The following LRRC4C variants were observed in gnomAD, a reference collection of about 807,000 sequenced individuals.
LRRC4C encodes leucine-rich repeat-containing protein 4C.
In LRRC4C, 5 loss-of-function variants were observed where a neutral mutation model predicts 33.6. The observed-to-expected ratio is 0.15, with a 90% CI of 0.08 to 0.31. The LOEUF is 0.31. LRRC4C is among the 10% of genes least tolerant of loss of function. The pLI is 1.00. For synonymous variants in LRRC4C, 329 were observed against 302.0 expected (o/e 1.09, Z -0.93); for missense variants, 560 against 796.7 (o/e 0.70, Z 3.58).
intron 2 of LRRC4C, among the ~76,000 whole-genome samples, chr11:40,659,713 G>T (rs1229673933): frequency 1.3e-5 from 2 of 152,212 alleles, no homozygotes; most frequent in Non-Finnish European, 1.5e-5. Flanking sequence ...TTTAGAGCTG[G>T]ACATTCTCAG....
chr11:41,350,041 C>G (rs573356423), intron 1 of LRRC4C, among the ~76,000 whole-genome samples: 2 of 152,214 alleles, frequency 1.3e-5, no homozygotes, highest in East Asian at 3.9e-4. Context: ...TATCACATGT[C>G]ATAAGTCAGA....
intron 3 of LRRC4C, among the ~76,000 whole-genome samples, chr11:40,530,438 C>T (rs1956227892): frequency 6.7e-6 from 1 of 150,352 alleles, no homozygotes; most frequent in Admixed American, 6.6e-5. Context: ...ATGCAAAGCC[C>T]AGGTTCTCTT....
intron 3 of LRRC4C, among the ~76,000 whole-genome samples, chr11:40,641,944 T>C (rs1942145402): frequency 6.6e-6 from 1 of 152,138 alleles, no homozygotes; most frequent in African/African-American, 2.4e-5. Context: ...TCAGAGCCCT[T>C]CCTTGGGTGA....
At chr11:40,355,169 T>C (rs1304655096) in intron 3 of LRRC4C, among the ~76,000 whole-genome samples, 1 of 152,054 alleles carries the variant, frequency 6.6e-6, no homozygotes, top group Non-Finnish European at 1.5e-5. Flanking sequence ...TCCTATTTTA[T>C]TGTGGCTGAA....
intron 2 of LRRC4C, among the ~76,000 whole-genome samples, chr11:40,893,704 G>A (rs1185555254): frequency 6.6e-6 from 1 of 151,866 alleles, no homozygotes; most frequent in African/African-American, 2.4e-5. Context: ...ACCAAATTAT[G>A]GTCACGGAAG....
chr11:40,366,575 T>C (rs1157432475), intron 3 of LRRC4C, among the ~76,000 whole-genome samples: 1 of 152,086 alleles, frequency 6.6e-6, no homozygotes, highest in African/African-American at 2.4e-5. Flanking sequence ...TATATGCATG[T>C]ATATATAACA....
chr11:40,882,688 C>T (rs1955243803), intron 2 of LRRC4C, among the ~76,000 whole-genome samples: 1 of 152,052 alleles, frequency 6.6e-6, no homozygotes, highest in South Asian at 2.1e-4. Context: ...TAAAATGTAA[C>T]ATTTATTGCT....
At chr11:41,067,637 A>G (rs1938352158) in intron 1 of LRRC4C, among the ~76,000 whole-genome samples, 1 of 152,226 alleles carries the variant, frequency 6.6e-6, no homozygotes, top group East Asian at 1.9e-4. Flanking sequence ...CATGGCACTT[A>G]TTCTACAACT....
intron 4 of LRRC4C, among the ~76,000 whole-genome samples, chr11:40,313,196 G>T (rs936767224): frequency 6.6e-6 from 1 of 151,798 alleles, no homozygotes; most frequent in Admixed American, 6.6e-5. Context: ...TTTACTCCTC[G>T]CCTCCTCCCA....
chr11:40,456,027 C>T (rs891790864), intron 3 of LRRC4C, among the ~76,000 whole-genome samples: 3 of 152,074 alleles, frequency 2.0e-5, no homozygotes, highest in African/African-American at 7.2e-5. Flanking sequence ...CTCTTGAGAC[C>T]TACATCTTTT....
intron 4 of LRRC4C, among the ~76,000 whole-genome samples, chr11:40,272,043 A>C (rs1347132009): frequency 1.3e-5 from 2 of 152,176 alleles, no homozygotes; most frequent in Non-Finnish European, 2.9e-5. Context: ...CCATATCTGC[A>C]CATTACATTG....
intron 4 of LRRC4C, among the ~76,000 whole-genome samples, chr11:40,295,612 T>A (rs958212322): frequency 6.6e-6 from 1 of 152,210 alleles, no homozygotes; most frequent in Non-Finnish European, 1.5e-5. Flanking sequence ...GTTAAAAAAA[T>A]TTCATCTGTA....
intron 1 of LRRC4C, among the ~76,000 whole-genome samples, chr11:40,953,456 C>T (rs1958808869): frequency 1.3e-5 from 2 of 151,810 alleles, no homozygotes; most frequent in South Asian, 4.1e-4. Context: ...TTCTCTGAAC[C>T]TCTGAATACA....
At chr11:40,611,656 C>T (rs1161009316) in intron 3 of LRRC4C, among the ~76,000 whole-genome samples, 5 of 151,692 alleles carry the variant, frequency 3.3e-5, no homozygotes, top group African/African-American at 1.2e-4. Context: ...GAAACTCTTA[C>T]AATTCAATAG....
intron 1 of LRRC4C, among the ~76,000 whole-genome samples, chr11:41,238,770 A>G (rs1185676970): frequency 3.9e-5 from 6 of 152,114 alleles, no homozygotes; most frequent in Non-Finnish European, 7.4e-5. Flanking sequence ...ATAAAGATCC[A>G]GTGTCAGGTA....
chr11:40,146,250 C>T (rs1321262058), intron 5 of LRRC4C, among the ~76,000 whole-genome samples: 1 of 152,144 alleles, frequency 6.6e-6, no homozygotes, highest in Non-Finnish European at 1.5e-5. Flanking sequence ...CACAAAATAT[C>T]AGCCACTGTG....
At chr11:41,184,879 T>C (rs1325065705) in intron 1 of LRRC4C, among the ~76,000 whole-genome samples, 1 of 147,494 alleles carries the variant, frequency 6.8e-6, no homozygotes. Context: ...GGCCTCACAA[T>C]CATGGTGGAA....
chr11:40,508,341 C>T (rs1436107180), intron 3 of LRRC4C, among the ~76,000 whole-genome samples: 2 of 151,934 alleles, frequency 1.3e-5, no homozygotes, highest in African/African-American at 4.8e-5. Context: ...AATAAAAAAT[C>T]ATATAAAACA....
At chr11:40,337,582 A>AAGTTTTAAATAAAGATAAC (rs759677789) in intron 3 of LRRC4C, among the ~76,000 whole-genome samples, 1 of 152,206 alleles carries the variant, frequency 6.6e-6, no homozygotes, top group African/African-American at 2.4e-5. Context: ...ACATGGACAA[A>AAGTTTTAAATAAAGATAAC]AGTTTTAAAT....
Sources: allele counts gnomAD v4.1 joint callset (sites outside exome capture counted in the v4.1 genomes callset), GRCh38; gene constraint gnomAD v4.1.1; transcripts MANE v1.5; gene names NCBI Gene and HGNC (gene_info 2026-07-23, HGNC 2026-07-21).